Variants in TP53I13 observed in about 807,000 individuals in gnomAD.
TP53I13 encodes the protein tumor protein p53 inducible protein 13.
TP53I13 carries 27 observed loss-of-function variants against 39.1 expected under a neutral mutation model. The observed-to-expected ratio is 0.69, with a 90% CI of 0.51 to 0.95. The LOEUF is 0.95. TP53I13 is among the 40% of genes least tolerant of loss of function. The probability of loss-of-function intolerance (pLI) is 0.00; values close to 1 mark genes in which losing one functional copy is unlikely to be tolerated. For missense variants in TP53I13, 544 were observed against 520.4 expected, an observed-to-expected ratio of 1.05 and a Z score of -0.44; for synonymous variants, 230 against 224.6, an observed-to-expected ratio of 1.02 and a Z score of -0.22.
chr17:29,574,478 G>A (rs903566710), downstream of TP53I13: 7 of 609,026 alleles, frequency 1.1e-5, no homozygotes, highest in African/African-American at 5.5e-5. Context: ...TATACAGAGG[G>A]GAGGTGCATG....
intron 4 of TP53I13, 44 bp downstream of exon 4, chr17:29,571,763 C>G: frequency 6.2e-7 from 1 of 1,613,818 alleles, no homozygotes; most frequent in Non-Finnish European, 8.5e-7. Context: ...TGGCAGAAGG[C>G]TATGGCCCCG....
chr17:29,569,256 C>G (rs573933193), intron 2 of TP53I13, 62 bp from the exon 3 acceptor site: 1 of 1,575,596 alleles, frequency 6.3e-7, no homozygotes, highest in South Asian at 1.1e-5. Flanking sequence ...GCCGTCCCCT[C>G]CCCACCACAC....
chr17:29,573,263 T>C, downstream of TP53I13: 1 of 250,352 alleles, frequency 4.0e-6, no homozygotes, highest in Non-Finnish European at 7.6e-6. Flanking sequence ...CTGGCCAACC[T>C]GTCCCTGGAC....
chr17:29,568,819 G>A lies in TP53I13; in HGVS notation c.61G>A (p.Gly21Ser), dbSNP rs773494670. 2 of 1,599,526 alleles carry A rather than the reference G, an allele frequency of 1.3e-6. No individual in the cohort carries two copies. The highest frequency in any genetic ancestry group is 1.7e-6 in the Non-Finnish European group (2 of 1,179,442). Residue 21 changes from glycine (G) to serine (S), a missense_variant, in exon 1 of 7, where the codon GGT becomes AGT. Physicochemically the swap from Gly to Ser is moderately conservative, Grantham distance 56. Transcript: ENST00000301057. This position sits in a 1 kb window ranked among gnomAD's most constrained non-coding sequence, Gnocchi z 4.5. ...CCTGGCAGCCCTCGCGAGGCTCCTG[G>A]GTCCCAGCGAGGTAAGGTGACCCGC... ...LLLAALARLL[G>S]PSEVMAGPAE...
At chr17:29,581,791 T>C in the TP53I13 span, 8 of 1,612,566 alleles carry the variant, frequency 5.0e-6, no homozygotes, top group Non-Finnish European at 6.8e-6. The surrounding 1 kb of genome is among the most constrained non-coding windows in gnomAD (Gnocchi z 4.8). Context: ...TGAGCTCATA[T>C]TGGCACTCAA....
chr17:29,571,270 G>C (rs1417953920), intron 3 of TP53I13: 1 of 330,980 alleles, frequency 3.0e-6, no homozygotes, highest in Non-Finnish European at 5.6e-6. Context: ...CTTATGGCTT[G>C]GATTGTGGAC....
At position 29,572,566 on chromosome 17, in the gene TP53I13, C is replaced by A; in HGVS notation, c.938C>A (p.Ala313Asp). The A allele has an allele frequency of 6.3e-7, 1 of 1,599,068 alleles. No homozygotes were observed. Residue 313 changes from alanine to aspartate, a missense_variant, in exon 6 of 7, where the codon GCT (alanine) becomes GAT (aspartate). Coordinates refer to ENST00000301057, the MANE Select transcript of TP53I13 (RefSeq NM_138349.4). Reference sequence around the variant, plus strand: ...CCACGCACTGAAGAGGCCGCCTGGGCTGCCATGGCCCTGACCTTCCTGCTG... The same window carrying A: ...CCACGCACTGAAGAGGCCGCCTGGGATGCCATGGCCCTGACCTTCCTGCTG... ...PTPRTEEAAW[A>D]AMALTFLLVL... is the part of the protein sequence containing the mutation.
Position 29,568,715 on chromosome 17 carries a change from T to G in TP53I13, c.-44T>G. ...GGGCGGGGCGCGCGCGCTCCCTCGC[T>G]GGCGGAGCGGCTGGGCGGCGGGCCG... On this transcript the variant is annotated 5_prime_UTR_variant, in exon 1 of 7. Transcript: ENST00000301057. This position sits in a 1 kb window ranked among gnomAD's most constrained non-coding sequence, Gnocchi z 4.5. 1.5e-6 allele frequency: 2 copies of G among 1,332,608 alleles called. No individual in the cohort carries two copies. The highest frequency in any genetic ancestry group is 1.9e-6 in the Non-Finnish European group (2 of 1,040,234). The allele number at this position is 1,332,608 out of a possible 1,614,324, so 82.5% of individuals were successfully genotyped here. A position where few individuals can be genotyped will look rare whatever the true frequency, so the allele number is the denominator to read the frequency against.
upstream of TP53I13, chr17:29,566,628 G>A (rs774190219): frequency 9.3e-6 from 15 of 1,607,730 alleles, no homozygotes; most frequent in Middle Eastern, 1.6e-4. Context: ...CTACGGGCAG[G>A]ACGAAGTGGC....
At chr17:29,581,705 G>A in the TP53I13 span, 1 of 1,535,526 alleles carries the variant, frequency 6.5e-7, no homozygotes, top group Middle Eastern at 2.2e-4. This position sits in a 1 kb window ranked among gnomAD's most constrained non-coding sequence, Gnocchi z 4.8. Flanking sequence ...CCCCAGCCAG[G>A]CCTGTCACAG....
the TP53I13 span, among the ~76,000 whole-genome samples, chr17:29,580,748 C>A: frequency 2.0e-5 from 3 of 151,928 alleles, no homozygotes; most frequent in African/African-American, 7.2e-5. Context: ...CCCACCCTCC[C>A]AGCCGGAGGT....
In TP53I13 at chr17:29,573,003, C is replaced by T; in HGVS notation, c.*79C>T. The T allele has an allele frequency of 8.5e-7, 1 of 1,176,288 alleles. No individual in the cohort carries two copies. The highest frequency in any genetic ancestry group is 1.1e-6 in the Non-Finnish European group (1 of 907,840). The allele number at this position is 1,176,288 out of a possible 1,614,324, so 72.9% of individuals were successfully genotyped here. A position where few individuals can be genotyped will look rare whatever the true frequency, so the allele number is the denominator to read the frequency against. ...CGACCTCTGCCACGTGGACCGCGCGCGGGGCGCTCCCTGGTGGCGATGGCG... is the reference window on the plus strand; with the variant it reads ...CGACCTCTGCCACGTGGACCGCGCGTGGGGCGCTCCCTGGTGGCGATGGCG... On this transcript the variant is annotated 3_prime_UTR_variant, in exon 7 of 7. Transcript: ENST00000301057.
downstream of TP53I13, chr17:29,574,679 A>G (rs1268772841): frequency 1.3e-6 from 2 of 1,569,428 alleles, no homozygotes; most frequent in East Asian, 4.5e-5. Flanking sequence ...CCTAGGGTGC[A>G]GGTGAGGGTG....
At position 29,573,011 on chromosome 17, in the gene TP53I13, T is replaced by C. The variant is rs1312914443; in HGVS notation, c.*87T>C. ...GCCACGTGGACCGCGCGCGGGGCGC[T>C]CCCTGGTGGCGATGGCGCGGCACTG... is the stretch of plus-strand genomic sequence containing the variant. On this transcript the variant is annotated 3_prime_UTR_variant, in exon 7 of 7. Transcript: ENST00000301057. The C allele has an allele frequency of 2.7e-6, 3 of 1,115,246 alleles. No homozygotes were observed. The highest frequency in any genetic ancestry group is 3.2e-4 in the Middle Eastern group (1 of 3,102). 69.1% of individuals were successfully genotyped at this position (1,115,246 alleles called of 1,614,324 possible).
At chr17:29,578,931 C>T in the TP53I13 span, 1 of 1,611,464 alleles carries the variant, frequency 6.2e-7, no homozygotes, top group Non-Finnish European at 8.5e-7. Flanking sequence ...ACCCCACCTT[C>T]AGGCCTGCTG....
chr17:29,574,402 C>T (rs554739611), downstream of TP53I13: 102 of 421,356 alleles, frequency 2.4e-4, no homozygotes, highest in Non-Finnish European at 3.5e-4. Context: ...TGAGGGTGCC[C>T]TAGAAGGCGA....
At chr17:29,566,589 G>C, upstream of TP53I13, 1 of 1,607,866 alleles carries the variant, frequency 6.2e-7, no homozygotes, top group Non-Finnish European at 8.5e-7. Flanking sequence ...CCAACTGCAG[G>C]TACTCCCGGG....
chr17:29,579,145 C>T, the TP53I13 span: 9 of 658,742 alleles, frequency 1.4e-5, no homozygotes, highest in Admixed American at 1.2e-4. Context: ...CCGCGTCCCC[C>T]ACCCCTCCTC....
Position 29,568,712 on chromosome 17 carries a change from C to CGCTGGCGGAGCG in TP53I13, c.-41_-30dup. On this transcript the variant is annotated 5_prime_UTR_variant, in exon 1 of 7. Transcript: ENST00000301057. This position sits in a 1 kb window ranked among gnomAD's most constrained non-coding sequence, Gnocchi z 4.5. ...GAGGGGCGGGGCGCGCGCGCTCCCT[C>CGCTGGCGGAGCG]GCTGGCGGAGCGGCTGGGCGGCGGG... 7.7e-7 allele frequency: 1 copy of CGCTGGCGGAGCG among 1,305,238 alleles called. No homozygotes were observed. The highest frequency in any genetic ancestry group is 9.8e-7 in the Non-Finnish European group (1 of 1,024,076). The allele number at this position is 1,305,238 out of a possible 1,614,324, so 80.9% of individuals were successfully genotyped here.
Sources: allele counts gnomAD v4.1 joint callset (sites outside exome capture counted in the v4.1 genomes callset), GRCh38; gene constraint gnomAD v4.1.1; non-coding constraint Gnocchi (gnomAD v3.1); transcripts MANE v1.5; gene names NCBI Gene and HGNC (gene_info 2026-07-23, HGNC 2026-07-21).